The following WDR33 variants were observed in gnomAD, a reference collection of about 807,000 sequenced individuals.
WDR33 encodes the protein WD repeat domain 33.
In WDR33, 47 loss-of-function variants were observed where a neutral mutation model predicts 164.9. The observed-to-expected ratio is 0.29, with a 90% confidence interval of 0.23 to 0.36. The LOEUF is 0.36. Ranked by LOEUF, WDR33 falls within the 10% of genes least tolerant of loss-of-function variation. The pLI is 1.00. For synonymous variants in WDR33, 505 were observed against 589.0 expected, an observed-to-expected ratio of 0.86 and a Z score of 2.06; for missense variants, 1,137 against 1,754.1, an observed-to-expected ratio of 0.65 and a Z score of 6.28.
At chr2:127,754,561 T>C (rs1687465246) in intron 7 of WDR33, among the ~76,000 whole-genome samples, 1 of 151,408 alleles carries the variant, frequency 6.6e-6, no homozygotes, top group Non-Finnish European at 1.5e-5. Context: ...TGGGACTACA[T>C]GTGCATGCCA....
At chr2:127,781,186 C>T (rs370313064) in intron 1 of WDR33, among the ~76,000 whole-genome samples, 1 of 152,086 alleles carries the variant, frequency 6.6e-6, no homozygotes, top group Non-Finnish European at 1.5e-5. Context: ...TTTTAAAGTT[C>T]GAGATTCTAT....
Position 127,717,282 on chromosome 2 carries a change from A to G in WDR33, c.2761-19T>C, listed in dbSNP as rs750928895. On this transcript the variant is annotated intron_variant, in intron 16 of 21. Coordinates refer to ENST00000322313, the MANE Select transcript of WDR33 (RefSeq NM_018383.5). This position sits in a 1 kb window ranked among gnomAD's most constrained non-coding sequence, Gnocchi z 5.6. ...GTCCTTCCTGAAAATATGTTTTTAA[A>G]GTAAGGGTATGAAATCACAGGCTTG... 46 of 1,545,548 alleles carry G rather than the reference A, an allele frequency of 3.0e-5. No homozygotes were observed. Among genetic ancestry groups the G allele is most frequent in the Non-Finnish European group, 3.8e-5 (44 of 1,148,218 alleles).
chr2:127,711,772 A>ATTTTTTTTTTTTTTTTTT (rs1419760091), intron 18 of WDR33, among the ~76,000 whole-genome samples: 1 of 87,742 alleles, frequency 1.1e-5, no homozygotes. Context: ...ATATATATAT[A>ATTTTTTTTTTTTTTTTTT]TATATATATT....
At chr2:127,711,764 A>ATT (rs1206674701) in intron 18 of WDR33, among the ~76,000 whole-genome samples, 3 of 74,624 alleles carry the variant, frequency 4.0e-5, no homozygotes, top group African/African-American at 3.7e-4. Context: ...ATATATATAT[A>ATT]TATATATATA....
At chr2:127,781,438 T>C (rs1038699060) in intron 1 of WDR33, among the ~76,000 whole-genome samples, 2 of 152,264 alleles carry the variant, frequency 1.3e-5, no homozygotes, top group African/African-American at 2.4e-5. Flanking sequence ...CAGAAAACTA[T>C]AGATACACAC....
chr2:127,761,997 A>T (rs1407682668), intron 7 of WDR33, among the ~76,000 whole-genome samples: 2 of 152,228 alleles, frequency 1.3e-5, no homozygotes, highest in Non-Finnish European at 2.9e-5. Flanking sequence ...TCCTGTCTAC[A>T]AAACATCAAC....
Position 127,736,255 on chromosome 2 carries a change from G to A in WDR33, c.725-9478C>T, listed in dbSNP as rs573533255. ...ACATTTGTCTGGCAATGATGAACCT[G>A]AATTCAGCAGAATGGACACTTCCGG... On this transcript the variant is annotated intron_variant, in intron 7 of 21. Transcript: ENST00000322313. The A allele has an allele frequency of 3.8e-4, 370 of 985,406 alleles. 3 individuals are homozygous for A. The African/African-American group carries it at 6.2e-3, about 17-fold the overall frequency. The allele number at this position is 985,406 out of a possible 1,614,324, so 61.0% of individuals were successfully genotyped here.
Position 127,709,414 on chromosome 2 carries a change from A to G in WDR33, c.3565+76T>C. The G allele has an allele frequency of 3.5e-6, 5 of 1,425,134 alleles. No individual in the cohort carries two copies. The highest frequency in any genetic ancestry group is 4.9e-6 in the Non-Finnish European group (5 of 1,013,210). The allele number at this position is 1,425,134 out of a possible 1,614,324, so 88.3% of individuals were successfully genotyped here. A position where few individuals can be genotyped will look rare whatever the true frequency, so the allele number is the denominator to read the frequency against. On this transcript the variant is annotated intron_variant, in intron 20 of 21. Transcript: ENST00000322313. The surrounding 1 kb of genome is among the most constrained non-coding windows in gnomAD (Gnocchi z 5.0). ...GAGCTGGAAAGAGGAGACCCGGTGCACCCCAGAGAGGGCCCTCAGAACTCA... is the reference window on the plus strand; with the variant it reads ...GAGCTGGAAAGAGGAGACCCGGTGCGCCCCAGAGAGGGCCCTCAGAACTCA...
chr2:127,725,743 AT>A (rs1222260735), intron 8 of WDR33, among the ~76,000 whole-genome samples: 3 of 76,778 alleles, frequency 3.9e-5, no homozygotes, highest in African/African-American at 1.2e-4. Context: ...CAAAATAATA[AT>A]AATAATAATA....
rs1686382706 is a variant in WDR33, at chr2:127,719,662, G to C, written c.2363C>G (p.Pro788Arg). The change falls in exon 16 of 22, where the codon CCA (proline) becomes CGA (arginine). Residue 788 changes from proline (P) to arginine (R), a missense_variant. This residue lies in a region of WDR33 where 867 missense variants were observed against 1,073.0 expected (regional missense o/e 0.81). Transcript: ENST00000322313. This position sits in a 1 kb window ranked among gnomAD's most constrained non-coding sequence, Gnocchi z 6.5. The part of the protein sequence containing the change: ...GLNPRGMQGP[P>R]GPRENQGPAP... Reference sequence around the variant, plus strand: ...AGGACCCTGGTTCTCCCGGGGGCCTGGAGGCCCCTGCATTCCTCTTGGATT... The same window carrying C: ...AGGACCCTGGTTCTCCCGGGGGCCTCGAGGCCCCTGCATTCCTCTTGGATT... 4 of 1,613,510 alleles carry C rather than the reference G, an allele frequency of 2.5e-6. No individual in the cohort carries two copies. In the African/African-American group the frequency reaches 5.3e-5, roughly 22 times the overall value.
At chr2:127,787,694 C>T (rs1490041857) in intron 1 of WDR33, among the ~76,000 whole-genome samples, 4 of 95,442 alleles carry the variant, frequency 4.2e-5, no homozygotes, top group Admixed American at 9.0e-5. Flanking sequence ...CCGGACGGGG[C>T]GGCTGGCCGG....
chr2:127,734,661 T>C (rs988667390), intron 7 of WDR33, among the ~76,000 whole-genome samples: 1 of 152,184 alleles, frequency 6.6e-6, no homozygotes, highest in Non-Finnish European at 1.5e-5. Context: ...CTCTCAAATA[T>C]GTGGTCACCA....
chr2:127,750,698 A>G (rs866288109), intron 7 of WDR33, among the ~76,000 whole-genome samples: 9 of 60,274 alleles, frequency 1.5e-4, no homozygotes, highest in Non-Finnish European at 2.0e-4. Context: ...ATATATATAT[A>G]TATATATATA....
chr2:127,776,320 T>C (rs1200381233), intron 1 of WDR33, among the ~76,000 whole-genome samples: 1 of 152,182 alleles, frequency 6.6e-6, no homozygotes, highest in African/African-American at 2.4e-5. Context: ...AGAAGATACA[T>C]TTCTACTGTT....
In WDR33 at chr2:127,709,771, G is replaced by A; in HGVS notation, c.3394C>T (p.Pro1132Ser). The A allele has an allele frequency of 6.2e-7, 1 of 1,614,160 alleles. No individual in the cohort carries two copies. The highest frequency in any genetic ancestry group is 8.5e-7 in the Non-Finnish European group (1 of 1,180,034). The change falls in exon 19 of 22, where the codon CCA becomes TCA. Residue 1132 changes from proline (P) to serine (S), a missense_variant. Around this residue, in one of 9 missense-constraint regions of WDR33, gnomAD observed 867 missense variants for 1,073.0 expected, o/e 0.81. Coordinates refer to ENST00000322313, the MANE Select transcript of WDR33 (RefSeq NM_018383.5). The surrounding 1 kb of genome is among the most constrained non-coding windows in gnomAD (Gnocchi z 5.0). ...TCAGAAGCATCAAAATTCTCCTCTG[G>A]ACCAAAGTCTTCAGGACCAGGAAAA... is the stretch of plus-strand genomic sequence containing the variant. ...DGFPGPEDFG[P>S]EENFDASEEA...
intron 7 of WDR33, among the ~76,000 whole-genome samples, chr2:127,742,869 A>C (rs1466473995): frequency 1.3e-5 from 2 of 151,012 alleles, no homozygotes; most frequent in African/African-American, 2.5e-5. Context: ...TTAAAAAAAA[A>C]AAAACAAAAA....
rs1686486806 is a variant in WDR33, at chr2:127,723,377, C to T, written c.1197-30G>A. The T allele has an allele frequency of 3.1e-6, 5 of 1,595,472 alleles. No homozygotes were observed. Among genetic ancestry groups the T allele is most frequent in the Non-Finnish European group, 4.3e-6 (5 of 1,165,084 alleles). The stretch of plus-strand genomic sequence containing the variant: ...AAAAATAATTAAAGGAGAAAAGAAG[C>T]ATGGCTTCACTATTTTTTTGGGCAC... On this transcript the variant is annotated intron_variant, in intron 11 of 21. Transcript: ENST00000322313. The surrounding 1 kb of genome is among the most constrained non-coding windows in gnomAD (Gnocchi z 5.9).
At chr2:127,736,858 G>A (rs1686860810) in intron 7 of WDR33, 1 of 985,238 alleles carries the variant, frequency 1.0e-6, no homozygotes, top group Non-Finnish European at 1.2e-6. Context: ...ACGTGGGGAA[G>A]GGTATAAACA....
intron 1 of WDR33, among the ~76,000 whole-genome samples, chr2:127,794,110 T>C (rs1688938743): frequency 6.6e-6 from 1 of 151,950 alleles, no homozygotes. Flanking sequence ...ATCATGCCAC[T>C]GCACTCCAGC....
Sources: allele counts gnomAD v4.1 joint callset (sites outside exome capture counted in the v4.1 genomes callset), GRCh38; gene constraint gnomAD v4.1.1; regional missense constraint gnomAD v4.1.1; non-coding constraint Gnocchi (gnomAD v3.1); transcripts MANE v1.5; gene names NCBI Gene and HGNC (gene_info 2026-07-23, HGNC 2026-07-21).